Variants in CREB5 observed in about 807,000 individuals in gnomAD.
CREB5 encodes cAMP responsive element binding protein 5, also known as cyclic AMP-responsive element-binding protein 5.
A neutral mutation model predicts 57.1 loss-of-function variants in CREB5; 19 were observed. The ratio of observed to expected loss-of-function variants is 0.33; its 90% CI spans 0.23 to 0.49. The LOEUF (loss-of-function observed/expected upper bound fraction) is 0.49. Among genes scored for constraint, CREB5 ranks in the 20% least tolerant of loss-of-function variants. The pLI, the probability that CREB5 is intolerant of heterozygous loss-of-function variation, is 0.99. For synonymous variants in CREB5, 238 were observed against 238.3 expected (o/e 1.00, Z 0.01); for missense variants, 579 against 671.6 (o/e 0.86, Z 1.52).
At chr7:28,484,302 A>G (rs1245627275) in intron 1 of CREB5, among the ~76,000 whole-genome samples, 1 of 152,214 alleles carries the variant, frequency 6.6e-6, no homozygotes, top group Non-Finnish European at 1.5e-5. Context: ...GAAAAGAACC[A>G]TAATAATAGA....
At chr7:28,755,897 A>T (rs1163016809) in intron 7 of CREB5, among the ~76,000 whole-genome samples, 1 of 151,546 alleles carries the variant, frequency 6.6e-6, no homozygotes, top group Non-Finnish European at 1.5e-5. Flanking sequence ...CTTCAAGTGC[A>T]TTCATTCATT....
At chr7:28,557,178 A>G (rs1354477551) in intron 4 of CREB5, among the ~76,000 whole-genome samples, 1 of 128,736 alleles carries the variant, frequency 7.8e-6, no homozygotes, top group East Asian at 1.9e-4. Context: ...TAAAGTAGTC[A>G]AACTCTCTAA....
chr7:28,503,221 G>C (rs1381817882), intron 3 of CREB5, among the ~76,000 whole-genome samples: 3 of 152,190 alleles, frequency 2.0e-5, no homozygotes, highest in African/African-American at 4.8e-5. Context: ...CAAGTATCCT[G>C]TACCTACCAA....
At chr7:28,685,665 CTTTT>C (rs548208912) in intron 5 of CREB5, among the ~76,000 whole-genome samples, 1 of 130,942 alleles carries the variant, frequency 7.6e-6, no homozygotes, top group Non-Finnish European at 1.7e-5. Context: ...ACAGGGCACT[CTTTT>C]TTTTTTTTTT....
intron 7 of CREB5, among the ~76,000 whole-genome samples, chr7:28,732,313 G>A (rs1803690677): frequency 6.6e-6 from 1 of 152,054 alleles, no homozygotes; most frequent in African/African-American, 2.4e-5. Flanking sequence ...AGCTGCCTCT[G>A]TCACCCAGCC....
intron 7 of CREB5, among the ~76,000 whole-genome samples, chr7:28,726,401 C>G (rs1393489149): frequency 6.6e-6 from 1 of 152,110 alleles, no homozygotes; most frequent in African/African-American, 2.4e-5. Context: ...CTCAGCATCT[C>G]TGTTCTTATT....
intron 7 of CREB5, among the ~76,000 whole-genome samples, chr7:28,752,315 C>T (rs1240382513): frequency 1.3e-5 from 2 of 152,104 alleles, no homozygotes; most frequent in Non-Finnish European, 1.5e-5. Flanking sequence ...TACAGGTGTC[C>T]GCTACCACAC....
chr7:28,785,189 A>C (rs1050498253), intron 7 of CREB5, among the ~76,000 whole-genome samples: 18 of 151,972 alleles, frequency 1.2e-4, no homozygotes, highest in African/African-American at 4.4e-4. Context: ...GTGTCAACTC[A>C]CTCTGTGGTG....
intron 5 of CREB5, among the ~76,000 whole-genome samples, chr7:28,571,204 G>C (rs1795689803): frequency 6.6e-6 from 1 of 152,164 alleles, no homozygotes; most frequent in Admixed American, 6.5e-5. Flanking sequence ...ACTCAGAATG[G>C]TGAGCAGTTT....
intron 1 of CREB5, among the ~76,000 whole-genome samples, chr7:28,407,113 G>A (rs751400852): frequency 6.6e-6 from 1 of 151,590 alleles, no homozygotes; most frequent in Non-Finnish European, 1.5e-5. Flanking sequence ...GCAATGGTGT[G>A]ATCTCAGCTC....
intron 1 of CREB5, among the ~76,000 whole-genome samples, chr7:28,416,574 T>C (rs191997203): frequency 6.6e-6 from 1 of 152,252 alleles, no homozygotes; most frequent in African/African-American, 2.4e-5. Context: ...TGGTGCACCA[T>C]CATGAAGGGT....
intron 5 of CREB5, among the ~76,000 whole-genome samples, chr7:28,683,173 G>A (rs1245539804): frequency 6.6e-6 from 1 of 152,170 alleles, no homozygotes; most frequent in Admixed American, 6.5e-5. Flanking sequence ...CAGAGGAGCA[G>A]CTAGGACATG....
At chr7:28,699,097 CTT>C (rs1400371015) in intron 5 of CREB5, among the ~76,000 whole-genome samples, 1 of 151,922 alleles carries the variant, frequency 6.6e-6, no homozygotes, top group Non-Finnish European at 1.5e-5. Flanking sequence ...GTCTCATACT[CTT>C]GTTTCATTTT....
chr7:28,689,202 C>T (rs61176030), intron 5 of CREB5, among the ~76,000 whole-genome samples: 105 of 152,180 alleles, frequency 6.9e-4, no homozygotes, highest in Admixed American at 6.2e-3. Context: ...GAGGGCCGAG[C>T]GCAGTGGCTC....
At chr7:28,481,044 G>A (rs776562615) in intron 1 of CREB5, among the ~76,000 whole-genome samples, 1 of 152,208 alleles carries the variant, frequency 6.6e-6, no homozygotes, top group Non-Finnish European at 1.5e-5. Context: ...CCTATACACA[G>A]CATAAACGCC....
chr7:28,478,182 C>G (rs1234439765), intron 1 of CREB5, among the ~76,000 whole-genome samples: 1 of 152,060 alleles, frequency 6.6e-6, no homozygotes, highest in Non-Finnish European at 1.5e-5. Flanking sequence ...ATTTAATGAT[C>G]CTTCATTCTG....
At chr7:28,560,704 G>A (rs1795050366) in intron 4 of CREB5, among the ~76,000 whole-genome samples, 1 of 152,002 alleles carries the variant, frequency 6.6e-6, no homozygotes, top group African/African-American at 2.4e-5. Context: ...TAGTGGTGGA[G>A]TTTGGATGAA....
intron 1 of CREB5, among the ~76,000 whole-genome samples, chr7:28,383,941 A>G (rs1013292225): frequency 3.9e-5 from 6 of 152,238 alleles, no homozygotes; most frequent in Admixed American, 3.9e-4. Flanking sequence ...AATTGTAATG[A>G]AGGGGTGAAA....
At chr7:28,788,770 G>A (rs1414386769) in intron 7 of CREB5, among the ~76,000 whole-genome samples, 1 of 151,888 alleles carries the variant, frequency 6.6e-6, no homozygotes, top group African/African-American at 2.4e-5. Flanking sequence ...AGGAATCTTT[G>A]GGAGGGAGGC....
Sources: gnomAD v4.1 joint callset for allele counts (sites outside exome capture counted in the v4.1 genomes callset) on GRCh38, gnomAD v4.1.1 for gene constraint, MANE v1.5 for transcripts, NCBI Gene and HGNC (gene_info 2026-07-23, HGNC 2026-07-21) for gene names.